KHDRBS2: variants seen among roughly 807,000 people sequenced by gnomAD.
The protein encoded by KHDRBS2 is KH RNA binding domain containing, signal transduction associated 2.
In KHDRBS2, 26 loss-of-function variants were observed where a neutral mutation model predicts 44.3. The ratio of observed to expected loss-of-function variants is 0.59; its 90% CI spans 0.43 to 0.81. KHDRBS2 has a LOEUF of 0.81. KHDRBS2 is among the 40% of genes least tolerant of loss of function. The pLI, the probability that KHDRBS2 is intolerant of heterozygous loss-of-function variation, is 0.00. For missense variants in KHDRBS2, 476 were observed against 433.1 expected (o/e 1.10, Z -0.88); for synonymous variants, 194 against 151.1 (o/e 1.28, Z -2.08).
chr6:61,863,020 G>A (rs1797230833), intron 6 of KHDRBS2, among the ~76,000 whole-genome samples: 1 of 151,962 alleles, frequency 6.6e-6, no homozygotes, highest in Non-Finnish European at 1.5e-5. Context: ...TCTTGGGAGG[G>A]TGTATGTCTC....
intron 1 of KHDRBS2, among the ~76,000 whole-genome samples, chr6:62,222,593 T>C (rs1488014552): frequency 6.6e-6 from 1 of 152,094 alleles, no homozygotes; most frequent in East Asian, 1.9e-4. Context: ...TACAATCCAA[T>C]ATGAGATTTG....
chr6:61,811,862 T>A (rs1003886303), intron 6 of KHDRBS2, among the ~76,000 whole-genome samples: 3 of 152,114 alleles, frequency 2.0e-5, no homozygotes, highest in African/African-American at 7.2e-5. Flanking sequence ...AAATCTGATG[T>A]TTCTTCATGT....
At chr6:61,763,538 G>A (rs1280248659) in intron 6 of KHDRBS2, among the ~76,000 whole-genome samples, 1 of 152,148 alleles carries the variant, frequency 6.6e-6, no homozygotes, top group Non-Finnish European at 1.5e-5. Flanking sequence ...CGAATGGAGA[G>A]CATTAGGAAT....
At chr6:61,837,496 G>A (rs508577) in intron 6 of KHDRBS2, among the ~76,000 whole-genome samples, 29,814 of 151,808 alleles carry the variant, frequency 0.2, 3,195 homozygotes, top group South Asian at 0.27. Context: ...AAGCTTTATT[G>A]TAAGACAATG....
intron 2 of KHDRBS2, among the ~76,000 whole-genome samples, chr6:62,148,951 G>A (rs146051333): frequency 6.6e-6 from 1 of 152,060 alleles, no homozygotes; most frequent in East Asian, 1.9e-4. Context: ...TCAAAAGAAT[G>A]CAACCACTTG....
At chr6:62,188,753 A>C (rs1823972258) in intron 1 of KHDRBS2, among the ~76,000 whole-genome samples, 1 of 152,160 alleles carries the variant, frequency 6.6e-6, no homozygotes, top group African/African-American at 2.4e-5. Context: ...AGGGACAGAA[A>C]GTCTACCACT....
At chr6:61,892,291 A>C (rs147894643) in intron 6 of KHDRBS2, among the ~76,000 whole-genome samples, 2,356 of 152,330 alleles carry the variant, frequency 0.015, 20 homozygotes, top group Non-Finnish European at 0.027. Context: ...GCTCATGGGT[A>C]GGAAGACTCA....
intron 3 of KHDRBS2, among the ~76,000 whole-genome samples, chr6:62,032,333 T>G (rs1784484642): frequency 6.6e-6 from 1 of 151,862 alleles, no homozygotes; most frequent in African/African-American, 2.4e-5. Flanking sequence ...CAGAAAAATT[T>G]GAAAAGAGAG....
chr6:61,880,800 C>G (rs899070937), intron 6 of KHDRBS2, among the ~76,000 whole-genome samples: 1 of 151,836 alleles, frequency 6.6e-6, no homozygotes, highest in African/African-American at 2.4e-5. Flanking sequence ...TGGGTGAAGT[C>G]TTAGAAAGAA....
chr6:62,070,942 T>A (rs1464727873), intron 2 of KHDRBS2, among the ~76,000 whole-genome samples: 1 of 152,146 alleles, frequency 6.6e-6, no homozygotes, highest in Non-Finnish European at 1.5e-5. Context: ...TTGAACTAGT[T>A]TACAGTCCCA....
rs374988142 is a variant in KHDRBS2 at position 61,805,691 on chromosome 6, T to C, written c.811-72927A>G. Among the ~76,000 whole-genome samples the C allele has an allele frequency of 3.3e-5, 5 of 152,234 alleles. No individual in the cohort carries two copies. In the East Asian group the frequency reaches 7.7e-4, roughly 24 times the overall value. On this transcript the variant is annotated intron_variant, in intron 6 of 8. Transcript: ENST00000281156. ...TTCACAGGGGAGCAGGAGAGAGAAG[T>C]GCAGAGTGAAGGGGGCTAAAGTCCC...
chr6:62,043,107 T>C (rs1248930468), intron 3 of KHDRBS2, among the ~76,000 whole-genome samples: 1 of 152,124 alleles, frequency 6.6e-6, no homozygotes, highest in Non-Finnish European at 1.5e-5. Flanking sequence ...AGCTATTGTC[T>C]GATTTTCTCT....
intron 7 of KHDRBS2, among the ~76,000 whole-genome samples, chr6:61,699,192 A>G (rs1256882206): frequency 6.6e-6 from 1 of 152,078 alleles, no homozygotes. Flanking sequence ...AATAGAATAA[A>G]TTACTCATAG....
intron 2 of KHDRBS2, among the ~76,000 whole-genome samples, chr6:62,098,460 T>C (rs747494734): frequency 1.2e-4 from 19 of 152,114 alleles, no homozygotes; most frequent in Non-Finnish European, 2.2e-4. Flanking sequence ...ACTTTGACTA[T>C]ATCATCACAC....
intron 2 of KHDRBS2, among the ~76,000 whole-genome samples, chr6:62,093,681 TC>T (rs1417271097): frequency 6.6e-6 from 1 of 151,884 alleles, no homozygotes; most frequent in Non-Finnish European, 1.5e-5. Flanking sequence ...TAACCACTAT[TC>T]CACTCTCTAC....
chr6:62,207,689 A>C (rs1427017232), intron 1 of KHDRBS2, among the ~76,000 whole-genome samples: 1 of 152,198 alleles, frequency 6.6e-6, no homozygotes, highest in East Asian at 1.9e-4. Context: ...TGTCAACCCC[A>C]TTGATTGTCA....
chr6:62,026,346 G>C (rs1409924135), intron 3 of KHDRBS2, among the ~76,000 whole-genome samples: 1 of 151,192 alleles, frequency 6.6e-6, no homozygotes, highest in Admixed American at 6.6e-5. Flanking sequence ...CTTAGTTCTT[G>C]CAGGTTACTG....
intron 4 of KHDRBS2, among the ~76,000 whole-genome samples, chr6:61,924,830 G>C (rs995042649): frequency 2.0e-5 from 3 of 150,836 alleles, no homozygotes; most frequent in African/African-American, 7.3e-5. Context: ...GTTATATATG[G>C]ATTATTATTG....
the KHDRBS2 span, among the ~76,000 whole-genome samples, chr6:61,644,571 T>C: frequency 6.6e-6 from 1 of 152,160 alleles, no homozygotes; most frequent in African/African-American, 2.4e-5. Flanking sequence ...GACAAAGGTC[T>C]AATATCCAGA....
Sources: gnomAD v4.1 joint callset for allele counts (sites outside exome capture counted in the v4.1 genomes callset) on GRCh38, gnomAD v4.1.1 for gene constraint, MANE v1.5 for transcripts, NCBI Gene and HGNC (gene_info 2026-07-23, HGNC 2026-07-21) for gene names.